CTPS1: variants seen among roughly 807,000 people sequenced by gnomAD.
CTPS1 encodes the protein CTP synthase 1, also known as CTP synthetase 1.
A neutral mutation model predicts 80.5 loss-of-function variants in CTPS1; 25 were observed. The observed-to-expected ratio is 0.31, with a 90% confidence interval of 0.23 to 0.43. CTPS1 has a LOEUF of 0.43. CTPS1 is among the 20% of genes least tolerant of loss of function. CTPS1 has a pLI of 1.00. For synonymous variants in CTPS1, 267 were observed against 252.5 expected, an observed-to-expected ratio of 1.06 and a Z score of -0.54; for missense variants, 442 against 725.7, an observed-to-expected ratio of 0.61 and a Z score of 4.49.
Position 40,984,849 on chromosome 1 carries a change from G to A in CTPS1, c.195G>A (p.Gly65=). The A allele has an allele frequency of 6.3e-7, 1 of 1,580,886 alleles. No homozygotes were observed. The highest frequency in any genetic ancestry group is 8.6e-7 in the Non-Finnish European group (1 of 1,158,514). The change falls in exon 3 of 19, where the codon GGG becomes GGA. Residue 65 remains glycine, a synonymous_variant. Coordinates refer to ENST00000650070, the MANE Select transcript of CTPS1 (RefSeq NM_001905.4). ...HGEVFVLDDG[G]EVDLDLGNYE... ...AGGTTTTTGTGCTGGATGATGGTGGGGAAGTAGACCTTGACCTGGGTAACT... is the reference window on the plus strand; with the variant it reads ...AGGTTTTTGTGCTGGATGATGGTGGAGAAGTAGACCTTGACCTGGGTAACT...
chr1:41,009,389 T>C, intron 16 of CTPS1, 56 bp from the exon 17 acceptor site: 1 of 1,490,704 alleles, frequency 6.7e-7, no homozygotes, highest in Non-Finnish European at 9.0e-7. Context: ...TTTGTTCTTT[T>C]ACACTTTGTG....
intron 16 of CTPS1, 53 bp from the exon 17 acceptor site, chr1:41,009,392 A>G: frequency 6.7e-7 from 1 of 1,492,954 alleles, no homozygotes; most frequent in Non-Finnish European, 9.0e-7. Flanking sequence ...GTTCTTTTAC[A>G]CTTTGTGCAT....
rs186753161 is a variant in CTPS1 at position 41,009,596 on chromosome 1, G to A, written c.1691+7G>A. The A allele has an allele frequency of 1.8e-4, 290 of 1,613,794 alleles. 1 individual carries two copies. The East Asian group carries it at 5.6e-3, about 31-fold the overall frequency. ...GCTGCAGGCTCTCACCCAGGTAGGC[G>A]CACTCTTTGCTTCAGTAATCCATTA... is the stretch of plus-strand genomic sequence containing the variant. On this transcript the variant is annotated splice_region_variant and intron_variant, in intron 17 of 18. Coordinates refer to ENST00000650070, the MANE Select transcript of CTPS1 (RefSeq NM_001905.4).
intron 7 of CTPS1, 101 bp downstream of exon 7, chr1:40,991,946 T>C (rs1642620584): frequency 1.1e-6 from 1 of 884,104 alleles, no homozygotes; most frequent in Non-Finnish European, 1.8e-6. Context: ...TAATTAGAGA[T>C]AGTGGGCTGT....
chr1:41,011,141 CTTGG>C (rs1366925309), intron 18 of CTPS1, among the ~76,000 whole-genome samples: 3 of 152,216 alleles, frequency 2.0e-5, no homozygotes, highest in African/African-American at 7.2e-5. Context: ...CCCCTCCTGC[CTTGG>C]TTGGTTGACC....
chr1:41,010,106 G>C (rs919514430), intron 17 of CTPS1, 55 bp from the exon 18 acceptor site: 1 of 1,274,432 alleles, frequency 7.8e-7, no homozygotes, highest in South Asian at 1.2e-5. Flanking sequence ...CAAAAACAGG[G>C]ACGTAAAGTG....
intron 16 of CTPS1, 41 bp from the exon 17 acceptor site, chr1:41,009,404 A>G (rs1643113257): frequency 6.6e-7 from 1 of 1,520,580 alleles, no homozygotes; most frequent in Admixed American, 2.3e-5. Flanking sequence ...TTTGTGCATA[A>G]CCTTCACAAT....
intron 7 of CTPS1, among the ~76,000 whole-genome samples, chr1:40,993,179 T>C (rs1642660655): frequency 6.6e-6 from 1 of 152,180 alleles, no homozygotes; most frequent in African/African-American, 2.4e-5. Context: ...GCCTCCCGAA[T>C]AGCTGGGATT....
In CTPS1 at chr1:41,012,333, C is replaced by T. The variant is rs1047126554; in HGVS notation, c.*685C>T. The stretch of plus-strand genomic sequence containing the variant: ...ACTCCTTGCATCAAGGGGTCACTTA[C>T]AGAACAAAGAATCTTTTGGGGGAAA... On this transcript the variant is annotated 3_prime_UTR_variant, in exon 19 of 19. Coordinates refer to ENST00000650070, the MANE Select transcript of CTPS1 (RefSeq NM_001905.4). The T allele has an allele frequency of 3.3e-5, 5 of 152,164 alleles. No individual in the cohort carries two copies. Among genetic ancestry groups the T allele is most frequent in the African/African-American group, 4.8e-5 (2 of 41,440 alleles). 9.4% of individuals were successfully genotyped at this position (152,164 alleles called of 1,614,324 possible). A position where few individuals can be genotyped will look rare whatever the true frequency, so the allele number is the denominator to read the frequency against.
rs1342896562 is a variant in CTPS1, at chr1:40,983,376, CAT to C, written c.87_88del (p.Cys30TrpfsTer10). ...AGCAGTGTGGGCACAATACTCAAGT[CAT>C]GTGGTTTACATGTAACTTCAATCAA... On this transcript the variant is annotated frameshift_variant, in exon 2 of 19. Transcript: ENST00000650070. LOFTEE classifies it high-confidence loss of function. 1 of 1,613,698 alleles carries C rather than the reference CAT, an allele frequency of 6.2e-7. No individual in the cohort carries two copies. The highest frequency in any genetic ancestry group is 1.3e-5 in the African/African-American group (1 of 74,916).
intron 13 of CTPS1, among the ~76,000 whole-genome samples, chr1:41,006,945 CAG>C (rs1292998724): frequency 6.6e-6 from 1 of 152,174 alleles, no homozygotes; most frequent in African/African-American, 2.4e-5. Context: ...GAACAGGGCA[CAG>C]AGAGCCTGGA....
chr1:40,985,417 C>T lies in CTPS1; in HGVS notation c.337+426C>T, dbSNP rs1033003363. Among the ~76,000 whole-genome samples the T allele has an allele frequency of 3.3e-5, 5 of 152,240 alleles. No homozygotes were observed. In the South Asian group the frequency reaches 1.0e-3, roughly 31 times the overall value. On this transcript the variant is annotated intron_variant, in intron 3 of 18. Transcript: ENST00000650070. ...TCTATTGTGTATACTGGTTTCCAGG[C>T]CGTTCATCAGTGCCATATGGCCTAG...
At chr1:40,987,922 T>A (rs1181250858) in intron 4 of CTPS1, among the ~76,000 whole-genome samples, 2 of 151,542 alleles carry the variant, frequency 1.3e-5, no homozygotes, top group African/African-American at 2.4e-5. Context: ...TAACTAATAC[T>A]TTTTTTTTGA....
intron 9 of CTPS1, 70 bp downstream of exon 9, chr1:40,997,596 G>A: frequency 6.6e-7 from 1 of 1,513,166 alleles, no homozygotes; most frequent in Non-Finnish European, 8.9e-7. Context: ...TAGGTGCTGT[G>A]TCATATCTGC....
At chr1:41,001,914 T>C (rs1642913444) in intron 10 of CTPS1, among the ~76,000 whole-genome samples, 1 of 152,268 alleles carries the variant, frequency 6.6e-6, no homozygotes, top group Non-Finnish European at 1.5e-5. Flanking sequence ...GCAGTGGCAG[T>C]ATTACAATTA....
At chr1:41,009,130 C>T (rs897953413) in intron 16 of CTPS1, among the ~76,000 whole-genome samples, 1 of 152,130 alleles carries the variant, frequency 6.6e-6, no homozygotes. Context: ...CTCCAAAATG[C>T]TTGGAGTTGG....
chr1:40,983,630 T>G (rs72663731), intron 2 of CTPS1, among the ~76,000 whole-genome samples, 174 bp downstream of exon 2: 1 of 151,544 alleles, frequency 6.6e-6, no homozygotes, highest in Non-Finnish European at 1.5e-5. Flanking sequence ...TTTTTTTTTT[T>G]TTTTTTCTTT....
At chr1:40,990,374 G>C (rs556100042) in intron 5 of CTPS1, among the ~76,000 whole-genome samples, 9 of 152,304 alleles carry the variant, frequency 5.9e-5, no homozygotes, top group African/African-American at 2.2e-4. Flanking sequence ...TGAAGGTTCA[G>C]ACTAATGGGG....
chr1:40,997,464 G>A lies in CTPS1; in HGVS notation c.943G>A (p.Ala315Thr). ...GKYTKFSDSY[A>T]SVIKALEHSA... is the part of the protein sequence containing the mutation. Reference sequence around the variant, plus strand: ...ATACACGAAGTTCTCAGACTCCTATGCCTCTGTCATTAAGGCTCTGGAGCA... The same window carrying A: ...ATACACGAAGTTCTCAGACTCCTATACCTCTGTCATTAAGGCTCTGGAGCA... Residue 315 changes from alanine to threonine, a missense_variant, in exon 9 of 19, where the codon GCC (alanine) becomes ACC (threonine). Physicochemically the swap from Ala to Thr is moderately conservative, Grantham distance 58. Transcript: ENST00000650070. 1 of 1,614,204 alleles carries A rather than the reference G, an allele frequency of 6.2e-7. No individual in the cohort carries two copies. Among genetic ancestry groups the A allele is most frequent in the Non-Finnish European group, 8.5e-7 (1 of 1,180,046 alleles).
Sources: allele counts gnomAD v4.1 joint callset (sites outside exome capture counted in the v4.1 genomes callset), GRCh38; gene constraint gnomAD v4.1.1; transcripts MANE v1.5; gene names NCBI Gene and HGNC (gene_info 2026-07-23, HGNC 2026-07-21).